The following PAM variants were observed in gnomAD, a reference collection of about 807,000 sequenced individuals.
The protein encoded by PAM is peptidyl-glycine alpha-amidating monooxygenase.
PAM carries 72 observed loss-of-function variants against 122.1 expected under a neutral mutation model. That is an observed-to-expected ratio of 0.59 (90% CI 0.49 to 0.72). PAM has a LOEUF of 0.72. PAM is among the 30% of genes least tolerant of loss of function. The probability of loss-of-function intolerance (pLI) is 0.00; values close to 1 mark genes in which losing one functional copy is unlikely to be tolerated. For missense variants in PAM, 1,106 were observed against 1,183.7 expected, an observed-to-expected ratio of 0.93 and a Z score of 0.96; for synonymous variants, 389 against 404.4, an observed-to-expected ratio of 0.96 and a Z score of 0.46.
At chr5:102,875,686 G>T (rs900405828) in intron 3 of PAM, among the ~76,000 whole-genome samples, 4 of 152,166 alleles carry the variant, frequency 2.6e-5, no homozygotes, top group Non-Finnish European at 4.4e-5. Context: ...TCTTAAAGAA[G>T]TGTCATATAA....
At chr5:102,999,273 T>C (rs1254328893) in intron 16 of PAM, among the ~76,000 whole-genome samples, 11 of 152,174 alleles carry the variant, frequency 7.2e-5, no homozygotes. Flanking sequence ...ATGATATCCT[T>C]TGACTGCATG....
chr5:102,831,670 T>C (rs1775489666), intron 1 of PAM, among the ~76,000 whole-genome samples: 1 of 152,166 alleles, frequency 6.6e-6, no homozygotes, highest in South Asian at 2.1e-4. Context: ...TTGATGTAGT[T>C]TGTGTATTTC....
intron 15 of PAM, among the ~76,000 whole-genome samples, chr5:102,982,244 G>T (rs910328890): frequency 6.6e-6 from 1 of 152,166 alleles, no homozygotes; most frequent in Admixed American, 6.5e-5. Flanking sequence ...CCACAGGGGG[G>T]CCTGAGGACT....
intron 1 of PAM, chr5:102,865,206 G>A (rs1785203768): frequency 6.6e-6 from 1 of 152,190 alleles, no homozygotes; most frequent in Non-Finnish European, 1.5e-5. Context: ...TAGCTGTAGA[G>A]TTTTTGTTTG....
chr5:103,010,590 A>G (rs1375474834), intron 21 of PAM, among the ~76,000 whole-genome samples: 2 of 152,218 alleles, frequency 1.3e-5, no homozygotes, highest in African/African-American at 4.8e-5. Context: ...AAATGCTACA[A>G]ATAAGTGTTA....
intron 1 of PAM, among the ~76,000 whole-genome samples, chr5:102,770,537 C>A (rs1755454827): frequency 6.6e-6 from 1 of 152,024 alleles, no homozygotes; most frequent in Non-Finnish European, 1.5e-5. Flanking sequence ...AAGTGTGTTC[C>A]TTCTAGACCC....
At chr5:102,769,463 T>C (rs1477958441) in intron 1 of PAM, among the ~76,000 whole-genome samples, 1 of 152,180 alleles carries the variant, frequency 6.6e-6, no homozygotes, top group Non-Finnish European at 1.5e-5. Flanking sequence ...CAATGTTTTC[T>C]TGTAGAAGTT....
intron 13 of PAM, 27 bp downstream of exon 13, chr5:102,960,086 A>G: frequency 1.6e-6 from 2 of 1,242,536 alleles, no homozygotes; most frequent in South Asian, 1.4e-5. Flanking sequence ...AATATAAAGT[A>G]ATATATGATT....
chr5:103,025,338 A>G lies in PAM; in HGVS notation c.2689+4A>G. Reference sequence around the variant, plus strand: ...AAAAAATCAAGGGCCTTTGGAGGCAAGTAAAATGAGCCCCGTGAACTTGGA... The same window carrying G: ...AAAAAATCAAGGGCCTTTGGAGGCAGGTAAAATGAGCCCCGTGAACTTGGA... On this transcript the variant is annotated splice_donor_region_variant and intron_variant, in intron 24 of 25. Transcript: ENST00000438793. 6.2e-7 allele frequency: 1 copy of G among 1,611,608 alleles called. No homozygotes were observed. Among genetic ancestry groups the G allele is most frequent in the Non-Finnish European group, 8.5e-7 (1 of 1,177,820 alleles).
intron 1 of PAM, among the ~76,000 whole-genome samples, chr5:102,777,374 A>G (rs549677985): frequency 3.3e-4 from 50 of 152,218 alleles, no homozygotes; most frequent in African/African-American, 1.2e-3. Context: ...TATCTAACAT[A>G]TAATTTACTC....
chr5:102,962,036 A>G (rs1380409418), intron 14 of PAM, among the ~76,000 whole-genome samples: 1 of 151,944 alleles, frequency 6.6e-6, no homozygotes, highest in Non-Finnish European at 1.5e-5. Flanking sequence ...TATTAGCAAC[A>G]TGTAGAAGTT....
At chr5:102,956,626 T>C (rs1354755127) in intron 12 of PAM, among the ~76,000 whole-genome samples, 1 of 152,098 alleles carries the variant, frequency 6.6e-6, no homozygotes, top group African/African-American at 2.4e-5. Context: ...TTGTCTCCAA[T>C]ATTAGTATAT....
chr5:102,940,029 A>T (rs1324966726), intron 7 of PAM, among the ~76,000 whole-genome samples: 1 of 151,914 alleles, frequency 6.6e-6, no homozygotes, highest in Non-Finnish European at 1.5e-5. Flanking sequence ...AGGTTTAAGT[A>T]AAACAAAAGA....
intron 1 of PAM, among the ~76,000 whole-genome samples, chr5:102,834,392 G>T (rs1776323260): frequency 6.6e-6 from 1 of 152,094 alleles, no homozygotes; most frequent in African/African-American, 2.4e-5. Context: ...ACTGTGCTAG[G>T]TACTGGTGGT....
At position 102,950,831 on chromosome 5, in the gene PAM, A is replaced by G. The variant is rs766997551; in HGVS notation, c.905+11A>G. 3.8e-5 allele frequency: 55 copies of G among 1,434,952 alleles called. No homozygotes were observed. Among genetic ancestry groups the G allele is most frequent in the South Asian group, 3.7e-4 (32 of 86,496 alleles). The allele number at this position is 1,434,952 out of a possible 1,614,324, so 88.9% of individuals were successfully genotyped here. A position where few individuals can be genotyped will look rare whatever the true frequency, so the allele number is the denominator to read the frequency against. On this transcript the variant is annotated intron_variant, in intron 12 of 25. Transcript: ENST00000438793. ...AGCCACACACATTGGGTATGATTCT[A>G]TACATTCCACTATTTAAAGATATTT...
intron 12 of PAM, 139 bp downstream of exon 12, chr5:102,950,959 A>T: frequency 1.7e-6 from 1 of 582,646 alleles, no homozygotes; most frequent in South Asian, 2.2e-5. Context: ...GCATTTTATC[A>T]TTTCAAAGCT....
intron 3 of PAM, among the ~76,000 whole-genome samples, chr5:102,867,768 G>T (rs1205058605): frequency 6.6e-6 from 1 of 152,124 alleles, no homozygotes; most frequent in African/African-American, 2.4e-5. Flanking sequence ...AAGCTAGTTT[G>T]TTTAAATATC....
intron 22 of PAM, among the ~76,000 whole-genome samples, chr5:103,017,911 C>T (rs969718750): frequency 4.6e-5 from 7 of 152,064 alleles, no homozygotes; most frequent in Non-Finnish European, 7.4e-5. Flanking sequence ...TCAGCTTTCC[C>T]AAATAACTGA....
At chr5:102,933,084 T>C (rs1581850468) in intron 7 of PAM, among the ~76,000 whole-genome samples, 1 of 152,286 alleles carries the variant, frequency 6.6e-6, no homozygotes, top group Non-Finnish European at 1.5e-5. Flanking sequence ...ACCGTAATAA[T>C]GCGAGCCAGT....
Sources: allele counts gnomAD v4.1 joint callset (sites outside exome capture counted in the v4.1 genomes callset), GRCh38; gene constraint gnomAD v4.1.1; transcripts MANE v1.5; gene names NCBI Gene and HGNC (gene_info 2026-07-23, HGNC 2026-07-21).